Variants in ZNF593 observed in about 807,000 individuals in gnomAD.
ZNF593 encodes BUD20 homolog.
ZNF593 carries 18 observed loss-of-function variants against 12.9 expected under a neutral mutation model. The ratio of observed to expected loss-of-function variants is 1.40; its 90% CI spans 0.96 to 2.07. The LOEUF is 2.07. Ranked by LOEUF, ZNF593 falls within the 30% of genes most tolerant of loss-of-function variation. The pLI is 0.00. For missense variants in ZNF593, 198 were observed against 186.7 expected (o/e 1.06, Z -0.35); for synonymous variants, 79 against 79.9 (o/e 0.99, Z 0.06).
In ZNF593 at chr1:26,170,777, G is replaced by T; in HGVS notation, c.*61G>T. The T allele has an allele frequency of 6.4e-7, 1 of 1,557,200 alleles. No individual in the cohort carries two copies. The highest frequency in any genetic ancestry group is 8.6e-7 in the Non-Finnish European group (1 of 1,157,102). On this transcript the variant is annotated 3_prime_UTR_variant, in exon 3 of 3. Transcript: ENST00000374266. The stretch of plus-strand genomic sequence containing the variant: ...TGGACAGTGACGCAAGGACTAGGCT[G>T]GGAGGGAGCGTGCCAACCCCTTTTG...
intron 1 of ZNF593, 27 bp from the exon 2 acceptor site, chr1:26,170,391 C>G (rs765838830): frequency 6.2e-7 from 1 of 1,605,222 alleles, no homozygotes; most frequent in South Asian, 1.1e-5. Context: ...CACCTCCTCA[C>G]TCTCCTTCTC....
Position 26,170,642 on chromosome 1 carries a change from T to A in ZNF593, c.331T>A (p.Tyr111Asn), listed in dbSNP as rs771716445. 1.9e-6 allele frequency: 3 copies of A among 1,613,002 alleles called. No homozygotes were observed. Among genetic ancestry groups the A allele is most frequent in the Admixed American group, 3.3e-5 (2 of 60,014 alleles). Residue 111 changes from tyrosine to asparagine, a missense_variant, in exon 3 of 3, where the codon TAT becomes AAT. Transcript: ENST00000374266. ...EAERAAGMGS[Y>N]VPPRRLAVPT... ...GGAGAGGGCAGCGGGTATGGGATCCTATGTGCCCCCCAGGCGGCTGGCAGT... is the reference window on the plus strand; with the variant it reads ...GGAGAGGGCAGCGGGTATGGGATCCAATGTGCCCCCCAGGCGGCTGGCAGT...
At chr1:26,170,214 G>GA in intron 1 of ZNF593, 31 bp downstream of exon 1, 1 of 1,580,042 alleles carries the variant, frequency 6.3e-7, no homozygotes, top group South Asian at 1.1e-5. Flanking sequence ...GCCTGGGGCG[G>GA]AGGAGGGTCC....
chr1:26,170,647 GC>G lies in ZNF593; in HGVS notation c.342del (p.Arg115GlyfsTer24). ...ERAAGMGSYV[P>X]PRRLAVPTEV... ...GGGCAGCGGGTATGGGATCCTATGTGCCCCCCAGGCGGCTGGCAGTGCCCAC... is the reference window on the plus strand; with the variant it reads ...GGGCAGCGGGTATGGGATCCTATGTGCCCCCAGGCGGCTGGCAGTGCCCAC... On this transcript the variant is annotated frameshift_variant, in exon 3 of 3. Coordinates refer to ENST00000374266, the MANE Select transcript of ZNF593 (RefSeq NM_015871.5). LOFTEE classifies it high-confidence loss of function. 1.2e-6 allele frequency: 2 copies of G among 1,612,672 alleles called. No homozygotes were observed.
At chr1:26,170,334 T>G in intron 1 of ZNF593, 84 bp from the exon 2 acceptor site, 1 of 1,541,148 alleles carries the variant, frequency 6.5e-7, no homozygotes, top group Non-Finnish European at 8.8e-7. Flanking sequence ...GATCCTGGCG[T>G]CAGGGACAAG....
chr1:26,170,238 G>A (rs1455288527), intron 1 of ZNF593, 55 bp downstream of exon 1: 6 of 1,582,638 alleles, frequency 3.8e-6, no homozygotes, highest in South Asian at 3.4e-5. Context: ...GTACCGGCCG[G>A]GAGATGTGAA....
Position 26,170,161 on chromosome 1 carries a change from C to G in ZNF593, c.178C>G (p.Leu60Val), listed in dbSNP as rs2124497404. 6.4e-7 allele frequency: 1 copy of G among 1,570,242 alleles called. No individual in the cohort carries two copies. The highest frequency in any genetic ancestry group is 1.1e-5 in the South Asian group (1 of 87,098). Residue 60 changes from leucine (L) to valine (V), a missense_variant, in exon 1 of 3, where the codon CTG becomes GTG. Leu to Val is a conservative substitution (Grantham distance 32). Transcript: ENST00000374266. ...CGACCCCGACCTGCCAGGGGGCGGTCTGCACCGCTGTCTGGCCTGCGCGTG... is the reference window on the plus strand; with the variant it reads ...CGACCCCGACCTGCCAGGGGGCGGTGTGCACCGCTGTCTGGCCTGCGCGTG... The part of the protein sequence containing the change: ...EFDPDLPGGG[L>V]HRCLACARYF...
rs966025374 is a variant in ZNF593 at position 26,169,939 on chromosome 1, C to A, written c.-45C>A. 2.0e-6 allele frequency: 3 copies of A among 1,505,004 alleles called. No homozygotes were observed. Among genetic ancestry groups the A allele is most frequent in the Non-Finnish European group, 2.7e-6 (3 of 1,130,518 alleles). The allele number at this position is 1,505,004 out of a possible 1,614,324, so 93.2% of individuals were successfully genotyped here. On this transcript the variant is annotated 5_prime_UTR_variant, in exon 1 of 3. Coordinates refer to ENST00000374266, the MANE Select transcript of ZNF593 (RefSeq NM_015871.5). ...CCCGGAAGTGCTCACACGTGTGCTCCCTGCCCTGCTCCTGGCCCCTTGGCC... is the reference window on the plus strand; with the variant it reads ...CCCGGAAGTGCTCACACGTGTGCTCACTGCCCTGCTCCTGGCCCCTTGGCC...
In ZNF593 at chr1:26,170,845, C is replaced by T. The variant is rs994393923; in HGVS notation, c.*129C>T. On this transcript the variant is annotated 3_prime_UTR_variant, in exon 3 of 3. Coordinates refer to ENST00000374266, the MANE Select transcript of ZNF593 (RefSeq NM_015871.5). ...CGGAGGGCCTCTTCTTGGTGCCCTGCCCCAAATAAAGGAACTGGACAAAGA... is the reference window on the plus strand; with the variant it reads ...CGGAGGGCCTCTTCTTGGTGCCCTGTCCCAAATAAAGGAACTGGACAAAGA... The T allele has an allele frequency of 7.3e-6, 9 of 1,236,852 alleles. No individual in the cohort carries two copies. The Admixed American group carries it at 8.1e-5, about 11-fold the overall frequency. 76.6% of individuals were successfully genotyped at this position (1,236,852 alleles called of 1,614,324 possible).
In ZNF593 at chr1:26,170,048, A is replaced by AGCG. The variant is rs2088469941; in HGVS notation, c.74_76dup (p.Arg25dup). ...TCTCTAGCCCGGCAGATGAAGGCGA[A>AGCG]GCGGCGGCGGCCGGACTTGGATGAG... On this transcript the variant is annotated inframe_insertion, in exon 1 of 3. Coordinates refer to ENST00000374266, the MANE Select transcript of ZNF593 (RefSeq NM_015871.5). 2 of 1,573,842 alleles carry AGCG rather than the reference A, an allele frequency of 1.3e-6. No individual in the cohort carries two copies. The highest frequency in any genetic ancestry group is 3.7e-5 in the Admixed American group (2 of 53,384).
chr1:26,170,160 T>C lies in ZNF593; in HGVS notation c.177T>C (p.Gly59=), dbSNP rs7087. Residue 59 remains glycine (G), a synonymous_variant, in exon 1 of 3, where the codon GGT becomes GGC. Coordinates refer to ENST00000374266, the MANE Select transcript of ZNF593 (RefSeq NM_015871.5). ...TCGACCCCGACCTGCCAGGGGGCGG[T>C]CTGCACCGCTGTCTGGCCTGCGCGT... ...AEFDPDLPGG[G]LHRCLACARY... The C allele has an allele frequency of 0.34, 526,949 of 1,568,944 alleles. 98,230 individuals carry two copies. The highest frequency in any genetic ancestry group is 0.67 in the East Asian group (28,198 of 42,172).
chr1:26,170,315 T>C, intron 1 of ZNF593, 103 bp from the exon 2 acceptor site: 2 of 1,531,468 alleles, frequency 1.3e-6, no homozygotes, highest in South Asian at 2.4e-5. Context: ...CTCCCGTTTC[T>C]CAGACCCGGA....
chr1:26,169,930 C>G lies in ZNF593; in HGVS notation c.-54C>G. 1 of 1,487,366 alleles carries G rather than the reference C, an allele frequency of 6.7e-7. No individual in the cohort carries two copies. Among genetic ancestry groups the G allele is most frequent in the South Asian group, 1.3e-5 (1 of 75,856 alleles). 92.1% of individuals were successfully genotyped at this position (1,487,366 alleles called of 1,614,324 possible). ...GCTGATCGGCCCGGAAGTGCTCACA[C>G]GTGTGCTCCCTGCCCTGCTCCTGGC... On this transcript the variant is annotated 5_prime_UTR_variant, in exon 1 of 3. Transcript: ENST00000374266.
In ZNF593 at chr1:26,169,971, G is replaced by A. The variant is rs748609009; in HGVS notation, c.-13G>A. On this transcript the variant is annotated 5_prime_UTR_variant, in exon 1 of 3. Transcript: ENST00000374266. ...TGCTCCTGGCCCCTTGGCCGGCCGG[G>A]CTGTTTCTGGCCATGGGTCGCTCCC... 1 of 1,533,734 alleles carries A rather than the reference G, an allele frequency of 6.5e-7. No individual in the cohort carries two copies. Among genetic ancestry groups the A allele is most frequent in the Non-Finnish European group, 8.7e-7 (1 of 1,143,682 alleles).
chr1:26,170,572 C>T lies in ZNF593; in HGVS notation c.264-3C>T, dbSNP rs2088480688. ...TCCCAACTCCTGTTTTTCTTTCTCC[C>T]AGGCTGAAGCAGCTGAGCGTCGAGC... On this transcript the variant is annotated splice_region_variant and splice_polypyrimidine_tract_variant and intron_variant, in intron 2 of 2. Transcript: ENST00000374266. The T allele has an allele frequency of 2.5e-6, 4 of 1,613,768 alleles. No homozygotes were observed. Among genetic ancestry groups the T allele is most frequent in the Non-Finnish European group, 3.4e-6 (4 of 1,180,008 alleles).
At chr1:26,170,236 C>A (rs1180852515) in intron 1 of ZNF593, 53 bp downstream of exon 1, 5 of 1,581,586 alleles carry the variant, frequency 3.2e-6, no homozygotes, top group Non-Finnish European at 4.3e-6. Flanking sequence ...CGGTACCGGC[C>A]GGGAGATGTG....
In ZNF593 at chr1:26,170,059, C is replaced by T; in HGVS notation, c.76C>T (p.Pro26Ser). ...GCAGATGAAGGCGAAGCGGCGGCGG[C>T]CGGACTTGGATGAGATTCACCGCGA... ...ARQMKAKRRR[P>S]DLDEIHRELR... The change falls in exon 1 of 3, where the codon CCG (proline) becomes TCG (serine). Residue 26 changes from proline to serine, a missense_variant. Transcript: ENST00000374266. 1 of 1,573,144 alleles carries T rather than the reference C, an allele frequency of 6.4e-7. No individual in the cohort carries two copies. The highest frequency in any genetic ancestry group is 1.9e-5 in the Admixed American group (1 of 53,274).
At chr1:26,170,309 C>T (rs933855186) in intron 1 of ZNF593, 109 bp from the exon 2 acceptor site, 2 of 1,527,210 alleles carry the variant, frequency 1.3e-6, no homozygotes, top group Admixed American at 1.9e-5. Flanking sequence ...GCCCGCCTCC[C>T]GTTTCTCAGA....
At position 26,170,053 on chromosome 1, in the gene ZNF593, C is replaced by T. The variant is rs2088469971; in HGVS notation, c.70C>T (p.Arg24Trp). ...SLARQMKAKRRRPDLDEIHRE... is the reference protein window; with the variant it reads ...SLARQMKAKRWRPDLDEIHRE... ...AGCCCGGCAGATGAAGGCGAAGCGGCGGCGGCCGGACTTGGATGAGATTCA... is the reference window on the plus strand; with the variant it reads ...AGCCCGGCAGATGAAGGCGAAGCGGTGGCGGCCGGACTTGGATGAGATTCA... Residue 24 changes from arginine to tryptophan, a missense_variant, in exon 1 of 3, where the codon CGG becomes TGG. Physicochemically the swap from Arg to Trp is moderately radical, Grantham distance 101. Transcript: ENST00000374266. 6.4e-7 allele frequency: 1 copy of T among 1,573,104 alleles called. No individual in the cohort carries two copies. Among genetic ancestry groups the T allele is most frequent in the East Asian group, 2.3e-5 (1 of 43,442 alleles).
Sources: gnomAD v4.1 joint callset for allele counts on GRCh38, gnomAD v4.1.1 for gene constraint, MANE v1.5 for transcripts, NCBI Gene and HGNC (gene_info 2026-07-23, HGNC 2026-07-21) for gene names.